Variants in NCOA1 observed in about 807,000 individuals in gnomAD.
NCOA1 encodes the protein Hin-2 protein.
NCOA1 carries 35 observed loss-of-function variants against 150.9 expected under a neutral mutation model. That is an observed-to-expected ratio of 0.23 (90% CI 0.18 to 0.31). The LOEUF (loss-of-function observed/expected upper bound fraction) is 0.31. NCOA1 is among the 10% of genes least tolerant of loss of function. NCOA1 has a pLI of 1.00. For missense variants in NCOA1, 1,491 were observed against 1,749.3 expected (o/e 0.85, Z 2.63); for synonymous variants, 590 against 630.0 (o/e 0.94, Z 0.95).
In NCOA1 at chr2:24,553,421, G is replaced by T. The variant is rs374041889; in HGVS notation, c.-395-10874G>T. ...TTTAGTAGAGACGGGGTTTCACCTT[G>T]TTGGCCAGGCTGGTCCCAAACTGCT... On this transcript the variant is annotated intron_variant, in intron 1 of 22. Transcript: ENST00000348332. Among the ~76,000 whole-genome samples the T allele has an allele frequency of 5.6e-4, 85 of 152,132 alleles. 3 individuals are homozygous for T. In the South Asian group the frequency reaches 0.016, roughly 29 times the overall value.
chr2:24,719,742 A>G (rs749667072), intron 14 of NCOA1, among the ~76,000 whole-genome samples: 10 of 152,200 alleles, frequency 6.6e-5, no homozygotes, highest in African/African-American at 1.2e-4. Flanking sequence ...ACCAGTGCAT[A>G]TTGAACCGGG....
Position 24,762,699 on chromosome 2 carries a change from G to T in NCOA1, c.4078G>T (p.Ala1360Ser), listed in dbSNP as rs760996585. 13 of 1,613,456 alleles carry T rather than the reference G, an allele frequency of 8.1e-6. No individual in the cohort carries two copies. Among genetic ancestry groups the T allele is most frequent in the Non-Finnish European group, 1.1e-5 (13 of 1,179,646 alleles). The change falls in exon 22 of 23, where the codon GCA becomes TCA. Residue 1360 changes from alanine to serine, a missense_variant. Physicochemically the swap from Ala to Ser is moderately conservative, Grantham distance 99 (BLOSUM62 1). Transcript: ENST00000348332. ...TTATCTTTAATAGATAAATGATCCC[G>T]CACTGAGACACACAGGCCTCTACTG... Reference protein sequence around the residue: ...TVCPEQINDPALRHTGLYCNQ... With the variant: ...TVCPEQINDPSLRHTGLYCNQ...
intron 5 of NCOA1, 119 bp downstream of exon 5, chr2:24,658,885 C>A: frequency 1.2e-6 from 1 of 847,084 alleles, no homozygotes; most frequent in Non-Finnish European, 1.9e-6. Context: ...CTTTCATACT[C>A]ACCATGTTGT....
chr2:24,609,690 TTC>T (rs1233484949), intron 3 of NCOA1, among the ~76,000 whole-genome samples: 5 of 152,070 alleles, frequency 3.3e-5, no homozygotes, highest in Non-Finnish European at 7.4e-5. Context: ...TGCATTTGAT[TTC>T]TGTTTCATCA....
intron 2 of NCOA1, among the ~76,000 whole-genome samples, chr2:24,581,315 G>A (rs550541057): frequency 2.0e-4 from 30 of 152,334 alleles, no homozygotes; most frequent in Non-Finnish European, 3.8e-4. Flanking sequence ...TCATTATCAC[G>A]TGGCAGGGAC....
intron 1 of NCOA1, among the ~76,000 whole-genome samples, chr2:24,533,229 T>C (rs1192827521): frequency 2.0e-5 from 3 of 152,138 alleles, no homozygotes; most frequent in Admixed American, 2.0e-4. Flanking sequence ...GAGTGGGAGT[T>C]CACTCATGAT....
chr2:24,618,945 T>C (rs1406962254), intron 3 of NCOA1, among the ~76,000 whole-genome samples: 1 of 152,232 alleles, frequency 6.6e-6, no homozygotes, highest in Non-Finnish European at 1.5e-5. Flanking sequence ...GATGGTTAAA[T>C]AGGAAAGAGG....
intron 3 of NCOA1, among the ~76,000 whole-genome samples, chr2:24,608,806 T>C (rs910685152): frequency 1.3e-5 from 2 of 150,646 alleles, no homozygotes; most frequent in African/African-American, 4.9e-5. Context: ...CAGTCTCCTC[T>C]GGTCTATGAC....
chr2:24,681,369 C>A (rs966283860), intron 7 of NCOA1, among the ~76,000 whole-genome samples: 1 of 152,038 alleles, frequency 6.6e-6, no homozygotes, highest in South Asian at 2.1e-4. Context: ...GGGCCAAAGC[C>A]CACTGAGAAT....
rs1662955491 is a variant in NCOA1, at chr2:24,491,519, G to T, written c.-479G>T. Among the ~76,000 whole-genome samples, 1 of 147,284 alleles carries T rather than the reference G, an allele frequency of 6.8e-6. No individual in the cohort carries two copies. Among genetic ancestry groups the T allele is most frequent in the African/African-American group, 2.4e-5 (1 of 40,886 alleles). On this transcript the variant is annotated 5_prime_UTR_variant, in exon 1 of 23. Coordinates refer to ENST00000348332, the MANE Select transcript of NCOA1 (RefSeq NM_003743.5). Reference sequence around the variant, plus strand: ...AGAGCCGCGGCGCCGGGCCCGAGGAGCGGCGGAGGCCGGGGCGGCGCCGCC... The same window carrying T: ...AGAGCCGCGGCGCCGGGCCCGAGGATCGGCGGAGGCCGGGGCGGCGCCGCC...
chr2:24,725,714 CGTGTGT>C (rs57720230), intron 14 of NCOA1, among the ~76,000 whole-genome samples: 20,967 of 148,778 alleles, frequency 0.14, 1,710 homozygotes, highest in Non-Finnish European at 0.18. Flanking sequence ...CTAAAGTGTG[CGTGTGT>C]GTGTGTGTGT....
At chr2:24,766,648 A>G (rs1014023440) in intron 22 of NCOA1, among the ~76,000 whole-genome samples, 3 of 152,014 alleles carry the variant, frequency 2.0e-5, no homozygotes, top group African/African-American at 7.3e-5. Flanking sequence ...GAGGAGTGGG[A>G]AGAGGGATGG....
intron 1 of NCOA1, among the ~76,000 whole-genome samples, chr2:24,503,582 T>C (rs1055054529): frequency 1.1e-4 from 17 of 152,310 alleles, no homozygotes; most frequent in Non-Finnish European, 1.2e-4. Context: ...TCTCATTTGC[T>C]ATAAATCATA....
intron 11 of NCOA1, among the ~76,000 whole-genome samples, chr2:24,700,029 G>A (rs888437946): frequency 3.3e-5 from 5 of 152,128 alleles, no homozygotes; most frequent in Admixed American, 2.6e-4. Flanking sequence ...TGTAATCCCA[G>A]CTACTCGGAA....
Position 24,707,104 on chromosome 2 carries a change from A to G in NCOA1, c.1634A>G (p.Asn545Ser). ...NIPVTSLQGM[N>S]EGPNNSVGFS... The stretch of plus-strand genomic sequence containing the variant: ...CCAGTAACATCTTTACAGGGTATGA[A>G]TGAAGGACCCAATAACTCCGTTGGC... Residue 545 changes from asparagine (N) to serine (S), a missense_variant, in exon 13 of 23, where the codon AAT (asparagine) becomes AGT (serine). This residue lies in a region of NCOA1 where 703 missense variants were observed against 717.7 expected (regional missense o/e 0.98). Transcript: ENST00000348332. 6.2e-7 allele frequency: 1 copy of G among 1,614,200 alleles called. No homozygotes were observed. Among genetic ancestry groups the G allele is most frequent in the Non-Finnish European group, 8.5e-7 (1 of 1,180,028 alleles).
At chr2:24,750,289 G>A (rs2148676498) in intron 19 of NCOA1, among the ~76,000 whole-genome samples, 1 of 152,232 alleles carries the variant, frequency 6.6e-6, no homozygotes, top group Admixed American at 6.5e-5. Context: ...ACCTAGAGTA[G>A]CCAAAATAAT....
intron 5 of NCOA1, among the ~76,000 whole-genome samples, chr2:24,661,643 A>T (rs1671188381): frequency 6.6e-6 from 1 of 152,160 alleles, no homozygotes; most frequent in South Asian, 2.1e-4. Context: ...GCATGGTGTA[A>T]TATAGGGACC....
At chr2:24,732,798 A>G (rs927329151) in intron 17 of NCOA1, among the ~76,000 whole-genome samples, 7 of 152,158 alleles carry the variant, frequency 4.6e-5, no homozygotes, top group African/African-American at 1.7e-4. Flanking sequence ...CAAATACCGT[A>G]GGCAAACAAA....
chr2:24,700,691 C>T (rs976486028), intron 11 of NCOA1, among the ~76,000 whole-genome samples: 6 of 152,112 alleles, frequency 3.9e-5, no homozygotes, highest in African/African-American at 1.4e-4. Flanking sequence ...GGAAAAAGTT[C>T]CCAGGTTCTG....
Sources: gnomAD v4.1 joint callset for allele counts (sites outside exome capture counted in the v4.1 genomes callset) on GRCh38, gnomAD v4.1.1 for gene constraint, gnomAD v4.1.1 regional missense constraint, MANE v1.5 for transcripts, NCBI Gene and HGNC (gene_info 2026-07-23, HGNC 2026-07-21) for gene names.